Variants in KLHL5 observed in about 807,000 individuals in gnomAD.
KLHL5 encodes kelch-like protein 5.
Under a neutral mutation model 77.7 loss-of-function variants are expected in KLHL5, and 48 were observed. The observed-to-expected ratio is 0.62, with a 90% CI of 0.49 to 0.79. KLHL5 has a LOEUF of 0.79. KLHL5 is among the 30% of genes least tolerant of loss of function. The pLI is 0.00. For missense variants in KLHL5, 723 were observed against 859.7 expected, an observed-to-expected ratio of 0.84 and a Z score of 1.99; for synonymous variants, 260 against 297.0, an observed-to-expected ratio of 0.88 and a Z score of 1.28.
rs115373874 is a variant in KLHL5 at position 39,083,670 on chromosome 4, G to C, written c.900+1511G>C. Among the ~76,000 whole-genome samples, 619 of 152,158 alleles carry C rather than the reference G, an allele frequency of 4.1e-3. 3 individuals are homozygous for C. Among genetic ancestry groups the C allele is most frequent in the African/African-American group, 0.014 (591 of 41,512 alleles). ...CAGTTTCAACTACTTTTTTGAATGA[G>C]ATGAATATAAATAAAGTTGGATTTT... On this transcript the variant is annotated intron_variant, in intron 4 of 10. Transcript: ENST00000504108.
intron 2 of KLHL5, among the ~76,000 whole-genome samples, chr4:39,077,075 G>GAAA (rs111230532): frequency 0.01 from 1,434 of 138,866 alleles, 25 homozygotes; most frequent in African/African-American, 0.035. Flanking sequence ...AAATAAATCA[G>GAAA]AAAAAAAAAA....
chr4:39,062,643 T>C lies in KLHL5; in HGVS notation c.-10T>C. The C allele has an allele frequency of 6.2e-7, 1 of 1,614,166 alleles. No individual in the cohort carries two copies. Among genetic ancestry groups the C allele is most frequent in the Non-Finnish European group, 8.5e-7 (1 of 1,180,014 alleles). ...CCCGTTGCCTAGACGATCACTTGGT[T>C]TCTCTGAGGATGTCTGGTTCTCGTA... is the stretch of plus-strand genomic sequence containing the variant. On this transcript the variant is annotated 5_prime_UTR_variant, in exon 1 of 11. Coordinates refer to ENST00000504108, the MANE Select transcript of KLHL5 (RefSeq NM_015990.5).
Position 39,082,136 on chromosome 4 carries a change from A to G in KLHL5, c.877A>G (p.Lys293Glu), listed in dbSNP as rs1267378860. Residue 293 changes from lysine (K) to glutamate (E), a missense_variant, in exon 4 of 11, where the codon AAA (lysine) becomes GAA (glutamate). Physicochemically the swap from Lys to Glu is moderately conservative, Grantham distance 56. This residue lies in a region of KLHL5 where 288 missense variants were observed against 400.3 expected (regional missense o/e 0.72). Transcript: ENST00000504108. The stretch of plus-strand genomic sequence containing the variant: ...TGCCCAAGGTTGTACAGATTTGCAT[A>G]AAGTGGCTCACAATTATACTATGGT... ...ADAQGCTDLH[K>E]VAHNYTMEHF... 5.0e-6 allele frequency: 8 copies of G among 1,606,348 alleles called. No homozygotes were observed. Among genetic ancestry groups the G allele is most frequent in the Non-Finnish European group, 6.8e-6 (8 of 1,177,564 alleles).
rs34713116 is a variant in KLHL5 at position 39,048,638 on chromosome 4, C to CTTTTTTTTTT, written c.-95+3554_-95+3563dup. Among the ~76,000 whole-genome samples, 25 of 79,140 alleles carry CTTTTTTTTTT rather than the reference C, an allele frequency of 3.2e-4. 1 individual carries two copies. Among genetic ancestry groups the CTTTTTTTTTT allele is most frequent in the African/African-American group, 6.5e-4 (12 of 18,592 alleles). 51.9% of individuals were successfully genotyped at this position (79,140 alleles called of 152,430 possible). ...AAAGGATGTGGTGATTTTACATTGG[C>CTTTTTTTTTT]TTTTTTTTTTTTTTTTTTTTTGGAG... On this transcript the variant is annotated intron_variant, in intron 1 of 11. Transcript: ENST00000261425.
At chr4:39,110,835 G>A (rs1722406195) in intron 8 of KLHL5, among the ~76,000 whole-genome samples, 1 of 152,040 alleles carries the variant, frequency 6.6e-6, no homozygotes, top group South Asian at 2.1e-4. Context: ...AGTATATATA[G>A]GTAGTACAAT....
chr4:39,061,700 CTTTTT>C (rs1435173375), upstream of KLHL5, among the ~76,000 whole-genome samples: 1 of 152,218 alleles, frequency 6.6e-6, no homozygotes, highest in Non-Finnish European at 1.5e-5. Flanking sequence ...TCCCTGGTAG[CTTTTT>C]TGAGCCGCAC....
chr4:39,053,642 A>C (rs1016637025), intron 1 of KLHL5, among the ~76,000 whole-genome samples: 2 of 152,212 alleles, frequency 1.3e-5, no homozygotes, highest in African/African-American at 4.8e-5. Context: ...TAAGGAGTGG[A>C]TAGCAAGGGA....
the KLHL5 span, among the ~76,000 whole-genome samples, chr4:39,137,524 TGAGGTGGGAA>T: frequency 1.3e-5 from 2 of 152,064 alleles, no homozygotes; most frequent in Non-Finnish European, 2.9e-5. Flanking sequence ...CTTGGGAGGC[TGAGGTGGGAA>T]GATTGAGCCC....
chr4:39,113,156 G>T lies in KLHL5; in HGVS notation c.1825G>T (p.Gly609Ter). The T allele has an allele frequency of 6.2e-7, 1 of 1,614,134 alleles. No homozygotes were observed. Among genetic ancestry groups the T allele is most frequent in the South Asian group, 1.1e-5 (1 of 91,074 alleles). ...RGGVGVTTWN[G>*]LLYAIGGHDA... ...TGGCGTAGGAGTGACGACCTGGAAT[G>T]GACTGCTGTATGCTATAGGGGGGCA... is the stretch of plus-strand genomic sequence containing the variant. Residue 609 changes from glycine to a stop codon, truncating the protein, a stop_gained, in exon 9 of 11, where the codon GGA (glycine) becomes TGA (stop). Transcript: ENST00000504108. LOFTEE classifies it high-confidence loss of function.
intron 5 of KLHL5, among the ~76,000 whole-genome samples, chr4:39,090,013 T>C (rs553615322): frequency 6.6e-6 from 1 of 152,336 alleles, no homozygotes; most frequent in African/African-American, 2.4e-5. Context: ...GTTGATTTTT[T>C]TTCATTGCCA....
intron 5 of KLHL5, among the ~76,000 whole-genome samples, chr4:39,090,080 G>A (rs914716963): frequency 2.0e-5 from 3 of 151,998 alleles, no homozygotes; most frequent in Non-Finnish European, 4.4e-5. Context: ...TTTTGAAGTA[G>A]ACACTAAAAT....
At chr4:39,120,267 T>TA (rs918988711) in intron 10 of KLHL5, 17 of 152,226 alleles carry the variant, frequency 1.1e-4, no homozygotes, top group African/African-American at 4.1e-4. Flanking sequence ...CACTATGAAT[T>TA]ACCCAGTGTC....
At chr4:39,067,456 CAAATT>C (rs1209938746) in intron 1 of KLHL5, among the ~76,000 whole-genome samples, 2 of 152,004 alleles carry the variant, frequency 1.3e-5, no homozygotes, top group African/African-American at 2.4e-5. Flanking sequence ...TTTTTGAACT[CAAATT>C]AAGTTGTAGA....
chr4:39,140,685 G>A, the KLHL5 span, among the ~76,000 whole-genome samples: 454 of 152,294 alleles, frequency 3.0e-3, 3 homozygotes, highest in Middle Eastern at 6.8e-3. Context: ...CATTAGTAGA[G>A]TTGAAAATAA....
chr4:39,059,961 T>A (rs572954576), upstream of KLHL5, among the ~76,000 whole-genome samples: 4 of 152,170 alleles, frequency 2.6e-5, no homozygotes, highest in Admixed American at 6.5e-5. Context: ...GGCAATAAAT[T>A]CTGTAGATAT....
chr4:39,045,400 T>TG (rs1030469385), intron 1 of KLHL5, among the ~76,000 whole-genome samples: 4 of 151,748 alleles, frequency 2.6e-5, no homozygotes, highest in African/African-American at 7.2e-5. Context: ...GCGGTGCTGG[T>TG]GGCCGGCAGT....
At chr4:39,062,008 TC>T (rs1451501743), upstream of KLHL5, among the ~76,000 whole-genome samples, 1 of 152,162 alleles carries the variant, frequency 6.6e-6, no homozygotes, top group Non-Finnish European at 1.5e-5. Context: ...TCCTCCTCAT[TC>T]CCCATCCAAA....
intron 5 of KLHL5, among the ~76,000 whole-genome samples, chr4:39,089,057 A>G (rs1307483991): frequency 6.6e-6 from 1 of 152,200 alleles, no homozygotes; most frequent in Non-Finnish European, 1.5e-5. Context: ...ATTTTATTTC[A>G]GAAAGATTAC....
intron 2 of KLHL5, among the ~76,000 whole-genome samples, chr4:39,077,880 C>T (rs1313993330): frequency 1.3e-5 from 2 of 152,032 alleles, no homozygotes; most frequent in African/African-American, 4.8e-5. Flanking sequence ...AGCCCAAATG[C>T]CCATCAATCA....
Sources: allele counts gnomAD v4.1 joint callset (sites outside exome capture counted in the v4.1 genomes callset), GRCh38; gene constraint gnomAD v4.1.1; regional missense constraint gnomAD v4.1.1; transcripts MANE v1.5; gene names NCBI Gene and HGNC (gene_info 2026-07-23, HGNC 2026-07-21).